ABR: variants seen among roughly 807,000 people sequenced by gnomAD.
ABR encodes active breakpoint cluster region-related protein.
ABR carries 35 observed loss-of-function variants against 107.2 expected under a neutral mutation model. That is an observed-to-expected ratio of 0.33 (90% CI 0.25 to 0.43). The LOEUF (loss-of-function observed/expected upper bound fraction) is 0.43. Among genes scored for constraint, ABR ranks in the 20% least tolerant of loss-of-function variants. ABR has a pLI of 1.00. For synonymous variants in ABR, 498 were observed against 462.0 expected, an observed-to-expected ratio of 1.08 and a Z score of -1.00; for missense variants, 815 against 1,115.2, an observed-to-expected ratio of 0.73 and a Z score of 3.83.
At chr17:1,127,111 C>T (rs1052785975) in intron 1 of ABR, among the ~76,000 whole-genome samples, 1 of 152,244 alleles carries the variant, frequency 6.6e-6, no homozygotes, top group Non-Finnish European at 1.5e-5. Context: ...AGGCTCGCTG[C>T]ACCTGCTTCT....
At chr17:1,082,813 G>T (rs1432049968) in intron 5 of ABR, among the ~76,000 whole-genome samples, 1 of 152,130 alleles carries the variant, frequency 6.6e-6, no homozygotes, top group Non-Finnish European at 1.5e-5. Flanking sequence ...CAATGCCCCA[G>T]TGATTCTTAT....
exon 1 of ABR, chr17:1,228,857 G>C (rs1183758452): frequency 6.6e-6 from 1 of 151,814 alleles, no homozygotes; most frequent in Non-Finnish European, 1.5e-5. Flanking sequence ...TCTCCGGCGA[G>C]CTGTGGCCGG....
chr17:1,031,212 A>G (rs892106457), intron 16 of ABR, among the ~76,000 whole-genome samples: 9 of 152,190 alleles, frequency 5.9e-5, no homozygotes, highest in South Asian at 4.1e-4. Flanking sequence ...CCCCTCAGCA[A>G]AGGGGCAGCC....
Position 1,010,887 on chromosome 17 carries a change from G to A in ABR, c.2102-24C>T. On this transcript the variant is annotated intron_variant, in intron 19 of 22. Coordinates refer to ENST00000302538, the MANE Select transcript of ABR (RefSeq NM_021962.5). This position sits in a 1 kb window ranked among gnomAD's most constrained non-coding sequence, Gnocchi z 4.1. ...ATCTGCAGGGGTGGGGCCGAGGTCAGGCAGCCTTAGCTGGGCCAGCAGCCC... is the reference window on the plus strand; with the variant it reads ...ATCTGCAGGGGTGGGGCCGAGGTCAAGCAGCCTTAGCTGGGCCAGCAGCCC... 1 of 1,612,124 alleles carries A rather than the reference G, an allele frequency of 6.2e-7. No homozygotes were observed. The highest frequency in any genetic ancestry group is 8.5e-7 in the Non-Finnish European group (1 of 1,179,870).
rs71358526 is a variant in ABR at position 1,063,085 on chromosome 17, A to G, written c.1182+3992T>C. The stretch of plus-strand genomic sequence containing the variant: ...GAGGGCTATGCATGTTCCTCTAGAC[A>G]CTGCTGTTATGTGAACTGAGGGCTA... On this transcript the variant is annotated intron_variant, in intron 10 of 22. Coordinates refer to ENST00000302538, the MANE Select transcript of ABR (RefSeq NM_021962.5). 3.2e-3 allele frequency among the ~76,000 whole-genome samples: 229 copies of G among 70,814 alleles called. 2 individuals carry two copies. Among genetic ancestry groups the G allele is most frequent in the African/African-American group, 0.013 (211 of 16,160 alleles). The allele number at this position is 70,814 out of a possible 152,430, so 46.5% of individuals were successfully genotyped here.
chr17:1,076,726 G>GGGGGGC (rs2035758651), intron 6 of ABR, among the ~76,000 whole-genome samples: 1 of 99,486 alleles, frequency 1.0e-5, no homozygotes, highest in African/African-American at 4.3e-5. Flanking sequence ...GGGGGGGTGG[G>GGGGGGC]GGTGGGGGGG....
intron 16 of ABR, among the ~76,000 whole-genome samples, chr17:1,029,102 C>CA (rs11477288): frequency 0.037 from 4,681 of 126,786 alleles, 93 homozygotes; most frequent in African/African-American, 0.055. Flanking sequence ...TGATTTGAGG[C>CA]AAAAAAAAAA....
chr17:1,046,879 C>G (rs956826000), intron 16 of ABR, among the ~76,000 whole-genome samples: 1 of 152,180 alleles, frequency 6.6e-6, no homozygotes, highest in Admixed American at 6.5e-5. Flanking sequence ...AAGGATCACA[C>G]GAGGAGATGG....
chr17:1,013,245 G>A (rs1000221374), intron 16 of ABR, 81 bp from the exon 17 acceptor site: 3 of 1,338,040 alleles, frequency 2.2e-6, no homozygotes, highest in East Asian at 4.6e-5. Context: ...GCACTGCTCA[G>A]AGCCAGCTAC....
At chr17:1,144,690 G>A (rs890552614) in intron 1 of ABR, among the ~76,000 whole-genome samples, 6 of 151,894 alleles carry the variant, frequency 4.0e-5, no homozygotes, top group Admixed American at 2.0e-4. Context: ...TCAGGAGTTC[G>A]AGACCAGCCT....
At chr17:1,060,686 T>A (rs994104040) in intron 10 of ABR, among the ~76,000 whole-genome samples, 1 of 151,782 alleles carries the variant, frequency 6.6e-6, no homozygotes, top group African/African-American at 2.4e-5. Context: ...CATGAAAATT[T>A]AAAAAATTAT....
Position 1,192,488 on chromosome 17 carries a change from G to T in ABR, c.838+36305C>A, listed in dbSNP as rs192093315. Among the ~76,000 whole-genome samples, 159 of 152,244 alleles carry T rather than the reference G, an allele frequency of 1.0e-3. 1 individual carries two copies. The highest frequency in any genetic ancestry group is 3.4e-3 in the Middle Eastern group (1 of 294). On this transcript the variant is annotated intron_variant, in intron 1 of 22. Coordinates refer to the ABR transcript ENST00000574139. ...GCTGATGACTAAAAGCTTCTAGAAA[G>T]AATGTGAGCTGGGCACGGGGGCTCA...
At chr17:1,201,879 GTGTT>G (rs2042678363) in intron 1 of ABR, among the ~76,000 whole-genome samples, 1 of 152,066 alleles carries the variant, frequency 6.6e-6, no homozygotes, top group Admixed American at 6.6e-5. Context: ...GGGTTTCACC[GTGTT>G]AGCCAGGATG....
chr17:1,077,804 G>A (rs1051821083), intron 6 of ABR, among the ~76,000 whole-genome samples: 7 of 152,202 alleles, frequency 4.6e-5, no homozygotes, highest in African/African-American at 1.7e-4. Context: ...GGAAGGAAGA[G>A]GAAGGTCCTA....
chr17:1,165,721 C>T (rs758027287), intron 1 of ABR, among the ~76,000 whole-genome samples: 39 of 152,200 alleles, frequency 2.6e-4, no homozygotes, highest in African/African-American at 8.9e-4. Context: ...TTAGTAGAGA[C>T]GGGGTTTCAC....
At chr17:1,143,026 G>C in intron 1 of ABR, among the ~76,000 whole-genome samples, 1 of 140,362 alleles carries the variant, frequency 7.1e-6, no homozygotes, top group African/African-American at 2.7e-5. Flanking sequence ...CTCGCTCCTG[G>C]GGGACAGCTC....
intron 16 of ABR, chr17:1,031,875 C>T (rs1371309298): frequency 8.5e-7 from 1 of 1,179,000 alleles, no homozygotes; most frequent in Non-Finnish European, 1.0e-6. Context: ...CCTCCCCGCG[C>T]TCCCCTCCCT....
intron 1 of ABR, among the ~76,000 whole-genome samples, chr17:1,205,412 G>A (rs1379700805): frequency 6.6e-6 from 1 of 152,206 alleles, no homozygotes; most frequent in African/African-American, 2.4e-5. Context: ...GTAACAGCCT[G>A]TTCTGTAGGC....
intron 21 of ABR, among the ~76,000 whole-genome samples, chr17:1,008,623 GA>G (rs2070255024): frequency 6.6e-6 from 1 of 152,210 alleles, no homozygotes; most frequent in East Asian, 1.9e-4. Flanking sequence ...TTCATGATGG[GA>G]AAAACAAGAC....
Sources: allele counts gnomAD v4.1 joint callset (sites outside exome capture counted in the v4.1 genomes callset), GRCh38; gene constraint gnomAD v4.1.1; non-coding constraint Gnocchi (gnomAD v3.1); transcripts MANE v1.5; gene names NCBI Gene and HGNC (gene_info 2026-07-23, HGNC 2026-07-21).